The following PXDNL variants were observed in gnomAD, a reference collection of about 807,000 sequenced individuals.
The protein encoded by PXDNL is probable oxidoreductase PXDNL.
A neutral mutation model predicts 150.8 loss-of-function variants in PXDNL; 145 were observed. That is an observed-to-expected ratio of 0.96 (90% CI 0.84 to 1.10). PXDNL has a LOEUF of 1.10. PXDNL is among the 50% of genes least tolerant of loss of function. The probability of loss-of-function intolerance (pLI) is 0.00; values close to 1 mark genes in which losing one functional copy is unlikely to be tolerated. For missense variants in PXDNL, 2,087 were observed against 1,873.9 expected (o/e 1.11, Z -2.10); for synonymous variants, 757 against 725.7 (o/e 1.04, Z -0.69).
At chr8:51,681,572 C>A (rs1312998772) in intron 1 of PXDNL, among the ~76,000 whole-genome samples, 1 of 152,242 alleles carries the variant, frequency 6.6e-6, no homozygotes, top group Non-Finnish European at 1.5e-5. Context: ...CAGAGTCACC[C>A]AGGGCCTGGC....
intron 1 of PXDNL, among the ~76,000 whole-genome samples, chr8:51,758,965 T>G (rs1198509398): frequency 6.6e-6 from 1 of 152,180 alleles, no homozygotes; most frequent in East Asian, 1.9e-4. Context: ...TTGGCAGATT[T>G]GGAAACTCAG....
At position 51,329,694 on chromosome 8, in the gene PXDNL, A is replaced by T. The variant is rs149181684; in HGVS notation, c.4147-8797T>A. ...TGTAAGTAGAGAGATAAAAATGCAA[A>T]AGAAGAATTAAAAGAAAATGTTAGA... On this transcript the variant is annotated intron_variant, in intron 21 of 22. Transcript: ENST00000356297. Among the ~76,000 whole-genome samples, 12 of 152,352 alleles carry T rather than the reference A, an allele frequency of 7.9e-5. No individual in the cohort carries two copies. The East Asian group carries it at 2.3e-3, about 29-fold the overall frequency.
intron 5 of PXDNL, among the ~76,000 whole-genome samples, chr8:51,493,986 A>G (rs371033604): frequency 6.6e-6 from 1 of 152,226 alleles, no homozygotes; most frequent in Non-Finnish European, 1.5e-5. Flanking sequence ...TGTCAGATTC[A>G]CCAAAGTTGA....
chr8:51,413,192 ACT>A lies in PXDNL; in HGVS notation c.1860_1861del (p.Arg620SerfsTer2). On this transcript the variant is annotated frameshift_variant, in exon 15 of 23. Transcript: ENST00000356297. LOFTEE classifies it high-confidence loss of function. ...TCGTGTGGAGTTAATTGCACTGTCAACTCTCTGTACAGCATCAAGAATGGAAG... is the reference window on the plus strand; with the variant it reads ...TCGTGTGGAGTTAATTGCACTGTCAACTCTGTACAGCATCAAGAATGGAAG... 18 of 1,612,180 alleles carry A rather than the reference ACT, an allele frequency of 1.1e-5. No individual in the cohort carries two copies. The highest frequency in any genetic ancestry group is 2.2e-5 in the East Asian group (1 of 44,842).
At chr8:51,641,608 C>T (rs1814757554) in intron 2 of PXDNL, among the ~76,000 whole-genome samples, 1 of 151,282 alleles carries the variant, frequency 6.6e-6, no homozygotes, top group East Asian at 1.9e-4. Context: ...TGAAAAAATG[C>T]TCACCATCAC....
chr8:51,690,685 A>G (rs1225750621), intron 1 of PXDNL, among the ~76,000 whole-genome samples: 1 of 152,132 alleles, frequency 6.6e-6, no homozygotes, highest in Admixed American at 6.5e-5. Flanking sequence ...GTATATACCC[A>G]GTAATGGGAT....
At chr8:51,322,338 AAT>A (rs1327157272) in intron 21 of PXDNL, among the ~76,000 whole-genome samples, 1 of 152,136 alleles carries the variant, frequency 6.6e-6, no homozygotes, top group Non-Finnish European at 1.5e-5. Flanking sequence ...GAAAAAAAAA[AAT>A]ATGTGTTAAA....
intron 1 of PXDNL, among the ~76,000 whole-genome samples, chr8:51,799,863 C>T (rs2037600918): frequency 6.6e-6 from 1 of 152,136 alleles, no homozygotes; most frequent in Non-Finnish European, 1.5e-5. Context: ...CATGCCCAAC[C>T]CTCACAGCAT....
At chr8:51,673,631 A>G (rs1009339825) in intron 1 of PXDNL, among the ~76,000 whole-genome samples, 4 of 152,176 alleles carry the variant, frequency 2.6e-5, no homozygotes, top group East Asian at 3.9e-4. Context: ...TGATGACCCA[A>G]CTGGTATAGC....
At chr8:51,373,237 C>T (rs570212869) in intron 18 of PXDNL, among the ~76,000 whole-genome samples, 90 of 152,298 alleles carry the variant, frequency 5.9e-4, no homozygotes, top group Non-Finnish European at 9.6e-4. Flanking sequence ...GGGAAGACCA[C>T]GTGAAGACAC....
chr8:51,405,154 C>T (rs114762046), intron 17 of PXDNL, among the ~76,000 whole-genome samples: 4,050 of 152,196 alleles, frequency 0.027, 213 homozygotes, highest in African/African-American at 0.091. Context: ...CCCGCCCGCG[C>T]CTCTCCTTCC....
Position 51,348,390 on chromosome 8 carries a change from ACAACCCAC to A in PXDNL, c.3902-2451_3902-2444del, listed in dbSNP as rs533941392. 8.3e-4 allele frequency among the ~76,000 whole-genome samples: 127 copies of A among 152,340 alleles called. 1 individual carries two copies. Among genetic ancestry groups the A allele is most frequent in the African/African-American group, 2.7e-3 (114 of 41,584 alleles). On this transcript the variant is annotated intron_variant, in intron 19 of 22. Coordinates refer to ENST00000356297, the MANE Select transcript of PXDNL (RefSeq NM_144651.5). ...CACAGATGAGTACACCTGAACAGAA[ACAACCCAC>A]CAGACTGCAGTGACATGGCAGGTTT...
At chr8:51,761,216 A>T (rs1275423888) in intron 1 of PXDNL, among the ~76,000 whole-genome samples, 1 of 151,826 alleles carries the variant, frequency 6.6e-6, no homozygotes, top group Non-Finnish European at 1.5e-5. Flanking sequence ...ACTGAATGAG[A>T]GGCATTACTT....
chr8:51,416,631 T>C (rs1808807891), intron 14 of PXDNL, among the ~76,000 whole-genome samples: 1 of 152,250 alleles, frequency 6.6e-6, no homozygotes, highest in Non-Finnish European at 1.5e-5. Context: ...TTAAAACCTA[T>C]AGGCAATCTG....
chr8:51,791,476 A>T (rs1363826709), intron 1 of PXDNL, among the ~76,000 whole-genome samples: 1 of 152,262 alleles, frequency 6.6e-6, no homozygotes, highest in African/African-American at 2.4e-5. Flanking sequence ...ATGAAAAGCC[A>T]TTCTCTAACA....
chr8:51,735,506 T>C (rs1585710351), intron 1 of PXDNL, among the ~76,000 whole-genome samples: 1 of 148,392 alleles, frequency 6.7e-6, no homozygotes, highest in Non-Finnish European at 1.5e-5. Flanking sequence ...TAAATAAAAT[T>C]AATTAATTAA....
intron 17 of PXDNL, among the ~76,000 whole-genome samples, chr8:51,378,701 C>G (rs1217947641): frequency 6.7e-6 from 1 of 149,330 alleles, no homozygotes; most frequent in African/African-American, 2.6e-5. Context: ...CTGAGGCCAG[C>G]AAGACCAGGA....
chr8:51,671,989 C>A (rs1224639673), intron 1 of PXDNL, among the ~76,000 whole-genome samples: 2 of 152,062 alleles, frequency 1.3e-5, no homozygotes, highest in Non-Finnish European at 2.9e-5. Context: ...TCAAAACATT[C>A]TTATTTTTTT....
At chr8:51,771,237 G>A (rs551879378) in intron 1 of PXDNL, among the ~76,000 whole-genome samples, 15 of 152,080 alleles carry the variant, frequency 9.9e-5, no homozygotes, top group East Asian at 7.7e-4. Flanking sequence ...TTAAGGGAAC[G>A]TTTCAAAACA....
Sources: allele counts gnomAD v4.1 joint callset (sites outside exome capture counted in the v4.1 genomes callset), GRCh38; gene constraint gnomAD v4.1.1; transcripts MANE v1.5; gene names NCBI Gene and HGNC (gene_info 2026-07-23, HGNC 2026-07-21).